Variants in CYFIP2 observed in about 807,000 individuals in gnomAD.
CYFIP2 encodes cytoplasmic FMR1 interacting protein 2.
Under a neutral mutation model 158.7 loss-of-function variants are expected in CYFIP2, and 29 were observed. That is an observed-to-expected ratio of 0.18 (90% confidence interval 0.14 to 0.25). CYFIP2 has a LOEUF of 0.25. CYFIP2 is among the 10% of genes least tolerant of loss of function. CYFIP2 has a pLI of 1.00. For missense variants in CYFIP2, 852 were observed against 1,639.5 expected (o/e 0.52, Z 8.29); for synonymous variants, 585 against 617.6 (o/e 0.95, Z 0.78).
chr5:157,276,687 T>C (rs1756573020), intron 1 of CYFIP2, among the ~76,000 whole-genome samples: 1 of 152,180 alleles, frequency 6.6e-6, no homozygotes, highest in Non-Finnish European at 1.5e-5. Flanking sequence ...CTACTCAAGG[T>C]CACACAACTA....
chr5:157,382,422 T>TA (rs1279612033), intron 26 of CYFIP2, among the ~76,000 whole-genome samples, 168 bp from the exon 27 acceptor site: 1 of 152,176 alleles, frequency 6.6e-6, no homozygotes, highest in East Asian at 1.9e-4. Context: ...TGCAGATAGA[T>TA]AAAAAGACTC....
At chr5:157,276,651 A>G (rs1756569487) in intron 1 of CYFIP2, among the ~76,000 whole-genome samples, 2 of 152,204 alleles carry the variant, frequency 1.3e-5, no homozygotes, top group Non-Finnish European at 2.9e-5. Context: ...AAATGAAGAG[A>G]GTGAGGCTCA....
intron 23 of CYFIP2, among the ~76,000 whole-genome samples, chr5:157,347,624 G>T (rs1027311519): frequency 6.6e-6 from 1 of 152,204 alleles, no homozygotes; most frequent in Non-Finnish European, 1.5e-5. Flanking sequence ...GTTATTTTGC[G>T]GGGAGTAAAA....
chr5:157,323,009 G>A (rs988082033), intron 15 of CYFIP2: 4 of 1,536,014 alleles, frequency 2.6e-6, no homozygotes, highest in South Asian at 1.2e-5. Context: ...AGAGGCTGCC[G>A]ATCCCTGGTA....
intron 17 of CYFIP2, chr5:157,325,966 G>T (rs1304712830): frequency 3.5e-6 from 2 of 567,172 alleles, no homozygotes; most frequent in Non-Finnish European, 6.2e-6. Context: ...ACAAGTCTTG[G>T]TTTTATTTGC....
At chr5:157,272,949 C>T (rs1196596450) in intron 1 of CYFIP2, among the ~76,000 whole-genome samples, 1 of 152,174 alleles carries the variant, frequency 6.6e-6, no homozygotes, top group Non-Finnish European at 1.5e-5. Context: ...TCACTGCAAC[C>T]TCTGCCTCCC....
At chr5:157,385,617 C>T (rs1433459583) in intron 28 of CYFIP2, among the ~76,000 whole-genome samples, 1 of 152,102 alleles carries the variant, frequency 6.6e-6, no homozygotes, top group Non-Finnish European at 1.5e-5. Context: ...GGATCCTTGT[C>T]CCTTCTCCAC....
At chr5:157,370,778 G>T (rs373112360) in intron 26 of CYFIP2, among the ~76,000 whole-genome samples, 1 of 152,286 alleles carries the variant, frequency 6.6e-6, no homozygotes, top group South Asian at 2.1e-4. Flanking sequence ...CAGTTTCCTG[G>T]CTATAGATCT....
intron 1 of CYFIP2, among the ~76,000 whole-genome samples, chr5:157,283,319 T>C (rs1757135227): frequency 6.6e-6 from 1 of 152,218 alleles, no homozygotes; most frequent in Non-Finnish European, 1.5e-5. Context: ...ATTATTATAA[T>C]TGGAATTAAT....
intron 2 of CYFIP2, among the ~76,000 whole-genome samples, chr5:157,286,552 G>GTGTATATATATATATATATATATA (rs762316044): frequency 1.4e-5 from 2 of 138,124 alleles, no homozygotes; most frequent in African/African-American, 5.4e-5. Flanking sequence ...GCTATTTTAT[G>GTGTATATATATATATATATATATA]TATATATATA....
chr5:157,273,978 T>C (rs1043090645), intron 1 of CYFIP2, among the ~76,000 whole-genome samples: 3 of 151,466 alleles, frequency 2.0e-5, no homozygotes, highest in Non-Finnish European at 4.4e-5. Context: ...CTACTGAAAA[T>C]ACAAAAATTA....
chr5:157,309,618 A>G, intron 9 of CYFIP2, 125 bp from the exon 10 acceptor site: 1 of 790,962 alleles, frequency 1.3e-6, no homozygotes, highest in Non-Finnish European at 2.1e-6. Context: ...CGTCATCGGA[A>G]GCAGAAACTA....
chr5:157,361,962 A>G lies in CYFIP2; in HGVS notation c.3039+364A>G, dbSNP rs11134722. ...TCTCTCTTAACACCCCACCTCTCCA[A>G]TGGCTTGCAAACAAGGGTTTTTAAA... On this transcript the variant is annotated intron_variant, in intron 26 of 30. Coordinates refer to ENST00000620254, the MANE Select transcript of CYFIP2 (RefSeq NM_001037333.3). The surrounding 1 kb of genome is among the most constrained non-coding windows in gnomAD (Gnocchi z 4.4). 0.22 allele frequency among the ~76,000 whole-genome samples: 33,608 copies of G among 152,222 alleles called. 4,018 individuals are homozygous for G. Among genetic ancestry groups the G allele is most frequent in the African/African-American group, 0.29 (12,137 of 41,512 alleles).
At chr5:157,339,929 C>T (rs1434578789) in intron 22 of CYFIP2, among the ~76,000 whole-genome samples, 2 of 152,294 alleles carry the variant, frequency 1.3e-5, no homozygotes, top group African/African-American at 4.8e-5. Context: ...ACTCTACAGG[C>T]CAGGGCAGGA....
In CYFIP2 at chr5:157,327,970, C is replaced by T. The variant is rs1761159938; in HGVS notation, c.2080-3C>T. The stretch of plus-strand genomic sequence containing the variant: ...GTGATGTTTCCTGCTTCCTCTCCAC[C>T]AGGTGAACCTGTGTTTTGATCAGTT... On this transcript the variant is annotated splice_region_variant and splice_polypyrimidine_tract_variant and intron_variant, in intron 18 of 30. Coordinates refer to ENST00000620254, the MANE Select transcript of CYFIP2 (RefSeq NM_001037333.3). 6.2e-7 allele frequency: 1 copy of T among 1,613,730 alleles called. No individual in the cohort carries two copies. Among genetic ancestry groups the T allele is most frequent in the African/African-American group, 1.3e-5 (1 of 75,038 alleles).
chr5:157,311,104 G>A lies in CYFIP2; in HGVS notation c.993-560G>A. On this transcript the variant is annotated intron_variant, in intron 10 of 30. Transcript: ENST00000620254. The surrounding 1 kb of genome is among the most constrained non-coding windows in gnomAD (Gnocchi z 4.7). ...GGAGAGAAGGGGGCGAGAGGTAGAG[G>A]GGGTGGGTGGAGGGAGGGGCCACCC... 1 of 446,948 alleles carries A rather than the reference G, an allele frequency of 2.2e-6. No individual in the cohort carries two copies. Among genetic ancestry groups the A allele is most frequent in the Non-Finnish European group, 4.5e-6 (1 of 224,338 alleles). The allele number at this position is 446,948 out of a possible 1,614,324, so 27.7% of individuals were successfully genotyped here. A position where few individuals can be genotyped will look rare whatever the true frequency, so the allele number is the denominator to read the frequency against.
intron 10 of CYFIP2, among the ~76,000 whole-genome samples, chr5:157,310,605 G>A (rs956427359): frequency 4.6e-5 from 7 of 152,232 alleles, no homozygotes; most frequent in Non-Finnish European, 1.0e-4. Flanking sequence ...TGCAGGAAAA[G>A]CAGGGAATGG....
chr5:157,370,355 T>C (rs1470143328), intron 26 of CYFIP2, among the ~76,000 whole-genome samples: 1 of 152,222 alleles, frequency 6.6e-6, no homozygotes, highest in African/African-American at 2.4e-5. Flanking sequence ...CATAATCTTT[T>C]TACTGAAACT....
intron 6 of CYFIP2, 81 bp from the exon 7 acceptor site, chr5:157,302,713 G>A (rs937865975): frequency 2.9e-6 from 3 of 1,022,850 alleles, no homozygotes; most frequent in Middle Eastern, 2.2e-4. Context: ...TGTGTTAGGT[G>A]GGCATGCGAG....
Sources: gnomAD v4.1 joint callset for allele counts (sites outside exome capture counted in the v4.1 genomes callset) on GRCh38, gnomAD v4.1.1 for gene constraint, Gnocchi (gnomAD v3.1) non-coding constraint, MANE v1.5 for transcripts, NCBI Gene and HGNC (gene_info 2026-07-23, HGNC 2026-07-21) for gene names.